Variants in PHF21B observed in about 807,000 individuals in gnomAD.
PHF21B encodes the protein PHD finger protein 4.
Under a neutral mutation model 62.2 loss-of-function variants are expected in PHF21B, and 22 were observed. That is an observed-to-expected ratio of 0.35 (90% CI 0.25 to 0.51). The LOEUF is 0.51. Ranked by LOEUF, PHF21B falls within the 20% of genes least tolerant of loss-of-function variation. The pLI, the probability that PHF21B is intolerant of heterozygous loss-of-function variation, is 0.97. For synonymous variants in PHF21B, 341 were observed against 314.7 expected, an observed-to-expected ratio of 1.08 and a Z score of -0.88; for missense variants, 701 against 707.9, an observed-to-expected ratio of 0.99 and a Z score of 0.11.
chr22:45,009,144 G>A lies in PHF21B; in HGVS notation c.54+352C>T. The A allele has an allele frequency of 1.6e-6, 1 of 638,212 alleles. No homozygotes were observed. The highest frequency in any genetic ancestry group is 1.9e-5 in the African/African-American group (1 of 52,396). 39.5% of individuals were successfully genotyped at this position (638,212 alleles called of 1,614,324 possible). ...TCGCCCGGGGCGCGGGGGCCCGAGG[G>A]GAGGCCGGAAGGGGGCCTATTCGCA... On this transcript the variant is annotated intron_variant, in intron 1 of 12. Transcript: ENST00000313237. This position sits in a 1 kb window ranked among gnomAD's most constrained non-coding sequence, Gnocchi z 5.9.
intron 2 of PHF21B, among the ~76,000 whole-genome samples, chr22:44,995,145 G>A (rs1420753047): frequency 6.6e-6 from 1 of 152,182 alleles, no homozygotes; most frequent in Non-Finnish European, 1.5e-5. Flanking sequence ...AGGTATGGGG[G>A]GGATGAATTA....
intron 5 of PHF21B, among the ~76,000 whole-genome samples, chr22:44,903,268 C>T (rs981479746): frequency 3.3e-5 from 5 of 152,022 alleles, no homozygotes; most frequent in Non-Finnish European, 5.9e-5. Context: ...AGATGGACTT[C>T]TGATCTTCAG....
chr22:44,961,651 G>T (rs1299021839), intron 2 of PHF21B, among the ~76,000 whole-genome samples: 2 of 151,894 alleles, frequency 1.3e-5, no homozygotes, highest in Non-Finnish European at 2.9e-5. Flanking sequence ...GACCAGCCTG[G>T]TCAACATGGT....
At chr22:44,963,501 A>G (rs577127317) in intron 2 of PHF21B, among the ~76,000 whole-genome samples, 82 of 152,360 alleles carry the variant, frequency 5.4e-4, no homozygotes, top group Middle Eastern at 6.8e-3. Context: ...GGTTTCTCCA[A>G]TCCTTTCTCA....
intron 2 of PHF21B, among the ~76,000 whole-genome samples, chr22:44,944,182 T>A (rs922809454): frequency 6.6e-6 from 1 of 152,226 alleles, no homozygotes; most frequent in African/African-American, 2.4e-5. Context: ...GGCTTCCACC[T>A]ATGGCGTGTG....
At chr22:44,935,562 C>G (rs1017545561) in intron 2 of PHF21B, among the ~76,000 whole-genome samples, 5 of 151,866 alleles carry the variant, frequency 3.3e-5, no homozygotes, top group African/African-American at 1.2e-4. Flanking sequence ...TGCAGTGAGC[C>G]GAGATCGAGC....
chr22:44,966,242 C>T (rs1206085965), intron 2 of PHF21B, among the ~76,000 whole-genome samples: 1 of 152,246 alleles, frequency 6.6e-6, no homozygotes, highest in African/African-American at 2.4e-5. Flanking sequence ...GAGCCGGGGA[C>T]GTCCCCAACC....
rs183911050 is a variant in PHF21B at position 44,893,300 on chromosome 22, G to C, written c.960+157C>G. On this transcript the variant is annotated intron_variant, in intron 7 of 12. Coordinates refer to ENST00000313237, the MANE Select transcript of PHF21B (RefSeq NM_138415.5). ...GACTGTCAACTCGGAGGTGATGAGA[G>C]AGATGATTTACGGTCACCCCCCAGC... Among the ~76,000 whole-genome samples, 32 of 152,328 alleles carry C rather than the reference G, an allele frequency of 2.1e-4. No individual in the cohort carries two copies. The East Asian group carries it at 5.4e-3, about 26-fold the overall frequency.
At chr22:44,961,814 C>T (rs111340378) in intron 2 of PHF21B, among the ~76,000 whole-genome samples, 1 of 151,502 alleles carries the variant, frequency 6.6e-6, no homozygotes, top group Non-Finnish European at 1.5e-5. Context: ...CACTGCAATC[C>T]AGCCTGGGTG....
chr22:44,903,411 G>A lies in PHF21B; in HGVS notation c.832-7328C>T, dbSNP rs550247060. On this transcript the variant is annotated intron_variant, in intron 5 of 12. Coordinates refer to ENST00000313237, the MANE Select transcript of PHF21B (RefSeq NM_138415.5). Reference sequence around the variant, plus strand: ...AGCCCTGACCTCTGCTGCCTCTGACGACACTAACACTTCTTGCCCAGTCTG... The same window carrying A: ...AGCCCTGACCTCTGCTGCCTCTGACAACACTAACACTTCTTGCCCAGTCTG... Among the ~76,000 whole-genome samples, 14 of 151,692 alleles carry A rather than the reference G, an allele frequency of 9.2e-5. No homozygotes were observed. The South Asian group carries it at 2.1e-3, about 23-fold the overall frequency.
At chr22:44,929,697 C>G (rs1365449765) in intron 2 of PHF21B, among the ~76,000 whole-genome samples, 5 of 152,234 alleles carry the variant, frequency 3.3e-5, no homozygotes, top group African/African-American at 1.2e-4. Flanking sequence ...CAGGAGATGC[C>G]CGGCACAAAG....
At chr22:44,889,295 T>TAGGGGGTA (rs2070918479) in intron 9 of PHF21B, among the ~76,000 whole-genome samples, 1 of 21,524 alleles carries the variant, frequency 4.6e-5, no homozygotes, top group Non-Finnish European at 1.0e-4. Flanking sequence ...GGGTAGGGGG[T>TAGGGGGTA]GGGGGCCCCA....
intron 5 of PHF21B, among the ~76,000 whole-genome samples, chr22:44,898,582 A>AT (rs1262166657): frequency 6.6e-6 from 1 of 152,156 alleles, no homozygotes; most frequent in East Asian, 1.9e-4. Context: ...ATGCATCTAG[A>AT]TTTTTTTAAA....
intron 2 of PHF21B, among the ~76,000 whole-genome samples, chr22:44,981,292 T>C (rs994198387): frequency 6.6e-6 from 1 of 152,178 alleles, no homozygotes; most frequent in African/African-American, 2.4e-5. Context: ...CTGTGTCATC[T>C]CTACCCTCCT....
rs771233148 is a variant in PHF21B, at chr22:44,883,266, C to G, written c.1416G>C (p.Gln472His). ...LELKTSLLAR[Q>H]RGTQSSLDRL... The stretch of plus-strand genomic sequence containing the variant: ...GGTCCAGGGATGACTGGGTGCCCCT[C>G]TGGCGGGCCAGCAGGCTTGTCTTCA... The change falls in exon 13 of 13, where the codon CAG (glutamine) becomes CAC (histidine). Residue 472 changes from glutamine to histidine, a missense_variant. Transcript: ENST00000313237. 2 of 1,613,784 alleles carry G rather than the reference C, an allele frequency of 1.2e-6. No homozygotes were observed. Among genetic ancestry groups the G allele is most frequent in the African/African-American group, 2.7e-5 (2 of 74,918 alleles).
chr22:44,930,537 T>C (rs1040847149), intron 2 of PHF21B, among the ~76,000 whole-genome samples: 10 of 132,150 alleles, frequency 7.6e-5, no homozygotes, highest in African/African-American at 2.4e-4. Context: ...GGAAAGCACA[T>C]AGGAGTCGGG....
intron 2 of PHF21B, among the ~76,000 whole-genome samples, chr22:44,950,541 G>T (rs1181636369): frequency 6.6e-6 from 1 of 152,126 alleles, no homozygotes; most frequent in Non-Finnish European, 1.5e-5. Context: ...CTAAGTGGTG[G>T]CCTTCAATCA....
At chr22:44,970,558 CCA>C (rs2072618066) in intron 2 of PHF21B, among the ~76,000 whole-genome samples, 1 of 152,206 alleles carries the variant, frequency 6.6e-6, no homozygotes, top group African/African-American at 2.4e-5. Flanking sequence ...ATGACCCTCC[CCA>C]CACCTGCCTA....
chr22:44,956,558 T>C (rs1293913159), intron 2 of PHF21B, among the ~76,000 whole-genome samples: 3 of 152,168 alleles, frequency 2.0e-5, no homozygotes, highest in Admixed American at 2.0e-4. Context: ...ATGGCAGAAA[T>C]ACTGGGATTT....
Sources: allele counts gnomAD v4.1 joint callset (sites outside exome capture counted in the v4.1 genomes callset), GRCh38; gene constraint gnomAD v4.1.1; non-coding constraint Gnocchi (gnomAD v3.1); transcripts MANE v1.5; gene names NCBI Gene and HGNC (gene_info 2026-07-23, HGNC 2026-07-21).